The following DHX30 variants were observed in gnomAD, a reference collection of about 807,000 sequenced individuals.
DHX30 encodes the protein ATP-dependent RNA helicase DHX30.
A neutral mutation model predicts 116.9 loss-of-function variants in DHX30; 4 were observed. The ratio of observed to expected loss-of-function variants is 0.03; its 90% confidence interval spans 0.02 to 0.08. The LOEUF (loss-of-function observed/expected upper bound fraction) is 0.08, where lower values mean the gene tolerates loss of function less well. Among genes scored for constraint, DHX30 ranks in the 10% least tolerant of loss-of-function variants. DHX30 has a pLI of 1.00. For synonymous variants in DHX30, 697 were observed against 651.7 expected (o/e 1.07, Z -1.06); for missense variants, 871 against 1,595.1 (o/e 0.55, Z 7.73).
At chr3:47,832,982 G>A (rs536117375) in intron 6 of DHX30, among the ~76,000 whole-genome samples, 92 of 137,480 alleles carry the variant, frequency 6.7e-4, no homozygotes, top group South Asian at 1.2e-3. Flanking sequence ...ATGGTGTCCC[G>A]CTATGTTGTC....
At chr3:47,840,180 G>T (rs2037306335) in intron 6 of DHX30, among the ~76,000 whole-genome samples, 1 of 150,748 alleles carries the variant, frequency 6.6e-6, no homozygotes, top group Non-Finnish European at 1.5e-5. Flanking sequence ...TGTATTTTTA[G>T]TAGAGACAGG....
At chr3:47,826,938 TC>T (rs2036579397) in intron 4 of DHX30, among the ~76,000 whole-genome samples, 1 of 152,226 alleles carries the variant, frequency 6.6e-6, no homozygotes, top group Non-Finnish European at 1.5e-5. Context: ...ATTGTCTTGA[TC>T]TCCAGTTTGT....
At chr3:47,829,287 G>GATAGATATATATAT in intron 6 of DHX30, among the ~76,000 whole-genome samples, 153 bp downstream of exon 6, 1 of 35,842 alleles carries the variant, frequency 2.8e-5, no homozygotes, top group South Asian at 1.2e-3. Context: ...CAGCCAATGA[G>GATAGATATATATAT]ATATATATAT....
rs776310645 is a variant in DHX30, at chr3:47,847,485, C to T, written c.2059C>T (p.Arg687Cys). Residue 687 changes from arginine (R) to cysteine (C), a missense_variant, in exon 13 of 22, where the codon CGC (arginine) becomes TGC (cysteine). Physicochemically the swap from Arg to Cys is radical, Grantham distance 180 (BLOSUM62 -3). Around this residue, in one of 13 missense-constraint regions of DHX30, gnomAD observed 49 missense variants for 60.9 expected, o/e 0.80. Transcript: ENST00000445061. This position sits in a 1 kb window ranked among gnomAD's most constrained non-coding sequence, Gnocchi z 5.5. ...GWQEIKGVQQ[R>C]LQEALGMHES... ...GCAGGAGATCAAAGGAGTGCAGCAG[C>T]GCCTCCAGGAGGCCCTGGGCATGCA... is the stretch of plus-strand genomic sequence containing the variant. 6.2e-6 allele frequency: 10 copies of T among 1,612,890 alleles called. No individual in the cohort carries two copies. Among genetic ancestry groups the T allele is most frequent in the East Asian group, 2.2e-5 (1 of 44,862 alleles).
chr3:47,821,520 C>T (rs1018228681), intron 4 of DHX30, among the ~76,000 whole-genome samples: 8 of 152,280 alleles, frequency 5.3e-5, no homozygotes, highest in East Asian at 1.9e-4. Flanking sequence ...CTGCCCGCTT[C>T]GGCCTCCCAA....
intron 6 of DHX30, 115 bp downstream of exon 6, chr3:47,829,249 C>T (rs1159690905): frequency 4.9e-6 from 2 of 410,822 alleles, no homozygotes; most frequent in African/African-American, 2.3e-5. Flanking sequence ...CTGAGCCCTT[C>T]CCACTTCCTG....
chr3:47,827,602 C>A, intron 5 of DHX30, 125 bp downstream of exon 5: 2 of 1,280,848 alleles, frequency 1.6e-6, no homozygotes, highest in Non-Finnish European at 2.1e-6. Flanking sequence ...AAATGGTCAG[C>A]AGAGACTCAG....
chr3:47,849,094 C>T lies in DHX30; in HGVS notation c.2929+15C>T, dbSNP rs776312946. ...CTTCATCCACGGTCAGTCGGGCCCA[C>T]ACCTGCTCTCCTGAGCCCCTCCCAC... is the stretch of plus-strand genomic sequence containing the variant. On this transcript the variant is annotated intron_variant, in intron 18 of 21. Transcript: ENST00000445061. 1.9e-5 allele frequency: 30 copies of T among 1,610,438 alleles called. No homozygotes were observed. Among genetic ancestry groups the T allele is most frequent in the South Asian group, 2.2e-5 (2 of 90,840 alleles).
rs1234525706 is a variant in DHX30 at position 47,846,527 on chromosome 3, T to C, written c.1455T>C (p.Asn485=). 6.2e-7 allele frequency: 1 copy of C among 1,614,062 alleles called. No individual in the cohort carries two copies. Among genetic ancestry groups the C allele is most frequent in the Non-Finnish European group, 8.5e-7 (1 of 1,180,032 alleles). Residue 485 remains asparagine (N), a synonymous_variant, in exon 11 of 22, where the codon AAT becomes AAC. Transcript: ENST00000445061. ...CCGAGGGCCGAGGTGCCCGCTGCAA[T>C]GTTATCATCACCCAACCTCGCCGCA... is the stretch of plus-strand genomic sequence containing the variant. ...YVTEGRGARC[N]VIITQPRRIS... is the part of the protein sequence containing the mutation.
chr3:47,835,359 G>T (rs1237974643), intron 6 of DHX30, among the ~76,000 whole-genome samples: 1 of 152,020 alleles, frequency 6.6e-6, no homozygotes, highest in African/African-American at 2.4e-5. Context: ...CTAGAGATGG[G>T]GTTTCTCCAT....
chr3:47,803,332 A>T lies in DHX30; in HGVS notation c.-123+120A>T, dbSNP rs1334300740. On this transcript the variant is annotated intron_variant, in intron 1 of 21. Coordinates refer to ENST00000445061, the MANE Select transcript of DHX30 (RefSeq NM_138615.3). Reference sequence around the variant, plus strand: ...GCCAGCCTGGCGGAGAGTGGGGCGGAGACGCCGGCGGGCCCGAGGAGCAGG... The same window carrying T: ...GCCAGCCTGGCGGAGAGTGGGGCGGTGACGCCGGCGGGCCCGAGGAGCAGG... 3 of 380,366 alleles carry T rather than the reference A, an allele frequency of 7.9e-6. No individual in the cohort carries two copies. In the Admixed American group the frequency reaches 1.4e-4, roughly 17 times the overall value. 23.6% of individuals were successfully genotyped at this position (380,366 alleles called of 1,614,324 possible). A position where few individuals can be genotyped will look rare whatever the true frequency, so the allele number is the denominator to read the frequency against.
chr3:47,844,102 A>G (rs376283110), intron 9 of DHX30, among the ~76,000 whole-genome samples: 1 of 152,218 alleles, frequency 6.6e-6, no homozygotes, highest in East Asian at 1.9e-4. Flanking sequence ...AGTAATCTCA[A>G]CCCATGTTGG....
intron 3 of DHX30, among the ~76,000 whole-genome samples, chr3:47,815,397 A>C (rs2036005268): frequency 6.6e-6 from 1 of 152,072 alleles, no homozygotes; most frequent in African/African-American, 2.4e-5. Context: ...TGTGTAGGAG[A>C]CACTAGGGTG....
rs117581193 is a variant in DHX30 at position 47,805,475 on chromosome 3, T to C, written c.-28+55T>C. On this transcript the variant is annotated intron_variant, in intron 2 of 21. Transcript: ENST00000445061. ...TGGTGGATCTGATGCTCAGCTGTAC[T>C]GTAAAACAAGAGGTATGTGTTAAAC... 1.7e-3 allele frequency: 668 copies of C among 398,890 alleles called. 12 individuals are homozygous for C. The East Asian group carries it at 0.024, about 14-fold the overall frequency. The allele number at this position is 398,890 out of a possible 1,614,324, so 24.7% of individuals were successfully genotyped here.
intron 20 of DHX30, 26 bp downstream of exon 20, chr3:47,849,580 G>A: frequency 6.2e-7 from 1 of 1,613,934 alleles, no homozygotes; most frequent in Non-Finnish European, 8.5e-7. Flanking sequence ...CCTGGATGGG[G>A]CAGCTGGGAT....
At chr3:47,829,917 T>C (rs1176438453) in intron 6 of DHX30, among the ~76,000 whole-genome samples, 4 of 151,408 alleles carry the variant, frequency 2.6e-5, no homozygotes, top group African/African-American at 7.2e-5. Flanking sequence ...CTGCAAGCTC[T>C]GCCTCCCGGG....
At chr3:47,839,280 C>CTTTT (rs59932351) in intron 6 of DHX30, among the ~76,000 whole-genome samples, 8 of 129,802 alleles carry the variant, frequency 6.2e-5, no homozygotes, top group East Asian at 2.2e-4. Context: ...CTTATATTCT[C>CTTTT]TTTTTTTTTT....
chr3:47,848,592 C>G lies in DHX30; in HGVS notation c.2576-32C>G. On this transcript the variant is annotated intron_variant, in intron 16 of 21. Coordinates refer to ENST00000445061, the MANE Select transcript of DHX30 (RefSeq NM_138615.3). The surrounding 1 kb of genome is among the most constrained non-coding windows in gnomAD (Gnocchi z 9.4). ...CTGGGCTGGGCTGGGGAGTGGCTCT[C>G]GAGGGTGGTACTGACAGCTGAGCCG... 6.2e-7 allele frequency: 1 copy of G among 1,613,944 alleles called. No homozygotes were observed.
chr3:47,816,075 A>G, intron 3 of DHX30: 1 of 985,254 alleles, frequency 1.0e-6, no homozygotes, highest in Non-Finnish European at 1.2e-6. Flanking sequence ...ATAAACCTTG[A>G]TCCTAGGCAT....
Sources: gnomAD v4.1 joint callset for allele counts (sites outside exome capture counted in the v4.1 genomes callset) on GRCh38, gnomAD v4.1.1 for gene constraint, gnomAD v4.1.1 regional missense constraint, Gnocchi (gnomAD v3.1) non-coding constraint, MANE v1.5 for transcripts, NCBI Gene and HGNC (gene_info 2026-07-23, HGNC 2026-07-21) for gene names.